The following DPP6 variants were observed in gnomAD, a reference collection of about 807,000 sequenced individuals.
DPP6 encodes the protein A-type potassium channel modulatory protein DPP6.
In DPP6, 69 loss-of-function variants were observed where a neutral mutation model predicts 122.6. The ratio of observed to expected loss-of-function variants is 0.56; its 90% CI spans 0.46 to 0.69. DPP6 has a LOEUF of 0.69. Among genes scored for constraint, DPP6 ranks in the 30% least tolerant of loss-of-function variants. The pLI, the probability that DPP6 is intolerant of heterozygous loss-of-function variation, is 0.00. For synonymous variants in DPP6, 418 were observed against 433.1 expected, an observed-to-expected ratio of 0.97 and a Z score of 0.43; for missense variants, 928 against 1,116.9, an observed-to-expected ratio of 0.83 and a Z score of 2.41.
At chr7:154,355,721 C>T (rs922625761) in intron 1 of DPP6, among the ~76,000 whole-genome samples, 13 of 152,078 alleles carry the variant, frequency 8.5e-5, no homozygotes, top group African/African-American at 2.9e-4. Flanking sequence ...TTTGTTTACC[C>T]CTGGAGAGAA....
chr7:154,776,977 A>G (rs1454495678), intron 10 of DPP6, among the ~76,000 whole-genome samples: 1 of 152,240 alleles, frequency 6.6e-6, no homozygotes, highest in East Asian at 1.9e-4. Context: ...TGTATCTGCT[A>G]TCTAACCTTT....
rs138087732 is a variant in DPP6, at chr7:154,205,122, C to T, written c.243+152059C>T. 4.5e-3 allele frequency among the ~76,000 whole-genome samples: 688 copies of T among 152,142 alleles called. 4 individuals are homozygous for T. The highest frequency in any genetic ancestry group is 0.033 in the South Asian group (158 of 4,830). On this transcript the variant is annotated intron_variant, in intron 1 of 25. Transcript: ENST00000377770. ...CTTCCTCCATTTTAAAGAACAACTT[C>T]GATGTGGTTTTTTTTTTCTGTTTTT...
intron 1 of DPP6, among the ~76,000 whole-genome samples, chr7:154,218,033 GA>G (rs1427865252): frequency 2.6e-5 from 4 of 152,142 alleles, no homozygotes; most frequent in Non-Finnish European, 5.9e-5. Context: ...ATTAACATAT[GA>G]AAAAAAGAAG....
At chr7:154,843,156 G>A (rs34601323) in intron 16 of DPP6, among the ~76,000 whole-genome samples, 1 of 152,264 alleles carries the variant, frequency 6.6e-6, no homozygotes, top group Non-Finnish European at 1.5e-5. Flanking sequence ...ACAAAAATTA[G>A]CCAGGCGTGG....
the DPP6 span, among the ~76,000 whole-genome samples, chr7:153,803,153 G>A: frequency 6.6e-6 from 1 of 151,526 alleles, no homozygotes; most frequent in Non-Finnish European, 1.5e-5. Flanking sequence ...CAGACACGTG[G>A]GCGTCCCAAT....
At chr7:154,368,655 G>A (rs1437997094) in intron 1 of DPP6, among the ~76,000 whole-genome samples, 2 of 152,116 alleles carry the variant, frequency 1.3e-5, no homozygotes, top group Admixed American at 6.5e-5. Context: ...ATTCTCGATC[G>A]CTGAAAATGT....
chr7:154,778,748 A>G (rs957124367), intron 10 of DPP6, among the ~76,000 whole-genome samples: 2 of 143,792 alleles, frequency 1.4e-5, no homozygotes, highest in Non-Finnish European at 3.1e-5. Context: ...AACTTCCAAC[A>G]CCACCTTCAC....
rs1178316134 is a variant in DPP6, at chr7:153,984,098, ACACACG to A, written c.51+96365_51+96370del. On this transcript the variant is annotated intron_variant, in intron 1 of 25. Transcript: ENST00000404039. ...CACACACACACACACACACACACAC[ACACACG>A]TGTCACAAGTGAAATTTTGGGCAAG... 3.4e-5 allele frequency among the ~76,000 whole-genome samples: 5 copies of A among 145,356 alleles called. No homozygotes were observed. In the East Asian group the frequency reaches 1.0e-3, roughly 29 times the overall value.
At chr7:154,208,412 A>G (rs778781661) in intron 1 of DPP6, among the ~76,000 whole-genome samples, 8 of 152,214 alleles carry the variant, frequency 5.3e-5, no homozygotes, top group Non-Finnish European at 1.2e-4. Flanking sequence ...TTCACAACCA[A>G]AGACAGCCAG....
At chr7:154,748,046 G>A (rs1211130705) in intron 8 of DPP6, among the ~76,000 whole-genome samples, 2 of 152,286 alleles carry the variant, frequency 1.3e-5, no homozygotes, top group South Asian at 2.1e-4. Flanking sequence ...GTTTGCTTAC[G>A]TAATGGGTCT....
chr7:154,798,577 G>A (rs1798175356), intron 12 of DPP6, among the ~76,000 whole-genome samples: 1 of 152,236 alleles, frequency 6.6e-6, no homozygotes, highest in African/African-American at 2.4e-5. Flanking sequence ...TGACAGGTGT[G>A]TTTTCCTGGG....
chr7:154,467,811 C>T (rs1273230695), intron 2 of DPP6, among the ~76,000 whole-genome samples: 2 of 152,146 alleles, frequency 1.3e-5, no homozygotes, highest in Non-Finnish European at 2.9e-5. Context: ...TAGGATTCTT[C>T]TAGATACTTT....
chr7:154,459,340 A>G (rs1479551278), intron 2 of DPP6, among the ~76,000 whole-genome samples: 1 of 152,156 alleles, frequency 6.6e-6, no homozygotes, highest in Non-Finnish European at 1.5e-5. Context: ...TTGGGAGCAC[A>G]CTACACCTGT....
chr7:153,792,356 T>C, the DPP6 span, among the ~76,000 whole-genome samples: 3 of 152,232 alleles, frequency 2.0e-5, no homozygotes, highest in African/African-American at 7.2e-5. Flanking sequence ...TAATAAGTAT[T>C]CTGACCCAAT....
At chr7:154,532,897 G>C (rs987722669) in intron 3 of DPP6, among the ~76,000 whole-genome samples, 1 of 152,130 alleles carries the variant, frequency 6.6e-6, no homozygotes, top group African/African-American at 2.4e-5. Flanking sequence ...CTCCCCTAAA[G>C]CAGGTCATGC....
At chr7:153,811,855 T>A in the DPP6 span, among the ~76,000 whole-genome samples, 1 of 152,162 alleles carries the variant, frequency 6.6e-6, no homozygotes, top group Non-Finnish European at 1.5e-5. Flanking sequence ...ATTCCACAGA[T>A]GATGAGATTT....
intron 1 of DPP6, among the ~76,000 whole-genome samples, chr7:154,322,722 A>G (rs543398109): frequency 9.9e-5 from 15 of 152,192 alleles, no homozygotes; most frequent in Admixed American, 9.2e-4. Flanking sequence ...AGTAGCATTT[A>G]TTGGGTATAT....
At chr7:154,759,805 T>A (rs1795413545) in intron 8 of DPP6, among the ~76,000 whole-genome samples, 1 of 152,110 alleles carries the variant, frequency 6.6e-6, no homozygotes, top group African/African-American at 2.4e-5. Context: ...GCCAATACGG[T>A]GACACCAGGA....
intron 1 of DPP6, among the ~76,000 whole-genome samples, chr7:154,105,953 C>G (rs4067493): frequency 0.2 from 27,813 of 140,480 alleles, 3,256 homozygotes; most frequent in Admixed American, 0.3. Flanking sequence ...CTCGCTTTCC[C>G]ATCTCACTTT....
Sources: allele counts gnomAD v4.1 joint callset (sites outside exome capture counted in the v4.1 genomes callset), GRCh38; gene constraint gnomAD v4.1.1; transcripts MANE v1.5; gene names NCBI Gene and HGNC (gene_info 2026-07-23, HGNC 2026-07-21).